Variants in DSE observed in about 807,000 individuals in gnomAD.
DSE encodes the protein dermatan sulfate epimerase, also known as dermatan-sulfate epimerase.
Under a neutral mutation model 84.4 loss-of-function variants are expected in DSE, and 36 were observed. The observed-to-expected ratio is 0.43, with a 90% CI of 0.33 to 0.56. The LOEUF (loss-of-function observed/expected upper bound fraction) is 0.56, where lower values mean the gene tolerates loss of function less well. Ranked by LOEUF, DSE falls within the 20% of genes least tolerant of loss-of-function variation. The probability of loss-of-function intolerance (pLI) is 0.06; values close to 1 mark genes in which losing one functional copy is unlikely to be tolerated. For synonymous variants in DSE, 410 were observed against 430.1 expected (o/e 0.95, Z 0.58); for missense variants, 862 against 1,169.6 (o/e 0.74, Z 3.84).
rs1784408242 is a variant in DSE, at chr6:116,441,067, G to A, written c.*3722G>A. 1 of 151,850 alleles carries A rather than the reference G, an allele frequency of 6.6e-6. No homozygotes were observed. The highest frequency in any genetic ancestry group is 1.5e-5 in the Non-Finnish European group (1 of 67,986). 9.4% of individuals were successfully genotyped at this position (151,850 alleles called of 1,614,324 possible). A position where few individuals can be genotyped will look rare whatever the true frequency, so the allele number is the denominator to read the frequency against. On this transcript the variant is annotated 3_prime_UTR_variant, in exon 6 of 6. Coordinates refer to ENST00000644252, the MANE Select transcript of DSE (RefSeq NM_013352.4). Reference sequence around the variant, plus strand: ...AATGACGTATTTTTTTTTCAGCAATGTTTCAGCTAGATATTTGCTTTATGC... The same window carrying A: ...AATGACGTATTTTTTTTTCAGCAATATTTCAGCTAGATATTTGCTTTATGC...
chr6:116,284,746 A>G (rs1479360454), intron 2 of DSE, among the ~76,000 whole-genome samples: 2 of 134,196 alleles, frequency 1.5e-5, no homozygotes, highest in Non-Finnish European at 3.1e-5. Context: ...TTCAATTCCC[A>G]CCTATGAGTG....
chr6:116,259,559 C>T (rs1397803783), intron 2 of DSE, among the ~76,000 whole-genome samples: 1 of 152,162 alleles, frequency 6.6e-6, no homozygotes, highest in Non-Finnish European at 1.5e-5. Flanking sequence ...TATAGGTAAA[C>T]GTGTCACTGG....
At chr6:116,361,747 C>A (rs909468227) in intron 2 of DSE, among the ~76,000 whole-genome samples, 3 of 152,100 alleles carry the variant, frequency 2.0e-5, no homozygotes, top group Non-Finnish European at 2.9e-5. Context: ...AACACATTAA[C>A]CATCAAATAA....
intron 3 of DSE, 110 bp from the exon 4 acceptor site, chr6:116,430,844 G>T (rs889263430): frequency 6.2e-6 from 9 of 1,462,128 alleles, no homozygotes; most frequent in Admixed American, 4.4e-5. Context: ...TACAAAACGC[G>T]ATTTGTAATA....
At chr6:116,373,981 G>C (rs1779769227) in intron 1 of DSE, among the ~76,000 whole-genome samples, 1 of 152,146 alleles carries the variant, frequency 6.6e-6, no homozygotes, top group African/African-American at 2.4e-5. Context: ...TTGAGTTTTA[G>C]TATATTGGTA....
intron 2 of DSE, among the ~76,000 whole-genome samples, chr6:116,357,611 G>A (rs1778654252): frequency 1.3e-5 from 2 of 151,874 alleles, no homozygotes; most frequent in South Asian, 4.2e-4. Flanking sequence ...CCAAAAAATT[G>A]TTTTTCTTCT....
chr6:116,370,848 T>A (rs1193921601), upstream of DSE: 4 of 985,558 alleles, frequency 4.1e-6, no homozygotes, highest in East Asian at 2.3e-4. Flanking sequence ...CTGGTGACGT[T>A]GCGGTTTCCT....
At position 116,436,355 on chromosome 6, in the gene DSE, C is replaced by A. The variant is rs774717694; in HGVS notation, c.1887C>A (p.Thr629=). 3 of 1,614,154 alleles carry A rather than the reference C, an allele frequency of 1.9e-6. No homozygotes were observed. Among genetic ancestry groups the A allele is most frequent in the East Asian group, 4.5e-5 (2 of 44,886 alleles). ...ATACTGGCTACAGCGAGAAAGCAAC[C>A]TTTGCCTCAGTGACATATCCTCGGG... ...MDDTGYSEKA[T]FASVTYPRGY... The change falls in exon 6 of 6, where the codon ACC becomes ACA. Residue 629 remains threonine (T), a synonymous_variant. Coordinates refer to ENST00000644252, the MANE Select transcript of DSE (RefSeq NM_013352.4).
rs541744747 is a variant in DSE, at chr6:116,419,954, TA to T, written c.417-6614del. 4.6e-3 allele frequency among the ~76,000 whole-genome samples: 699 copies of T among 152,304 alleles called. 4 individuals carry two copies. Among genetic ancestry groups the T allele is most frequent in the African/African-American group, 0.013 (522 of 41,566 alleles). The stretch of plus-strand genomic sequence containing the variant: ...CATAAAGTCTCATTTAAATACACTT[TA>T]AAAAATATGTAGATTTGCCTATACT... On this transcript the variant is annotated intron_variant, in intron 2 of 5. Transcript: ENST00000644252.
intron 1 of DSE, among the ~76,000 whole-genome samples, chr6:116,383,192 C>G (rs1415381805): frequency 6.6e-6 from 1 of 152,172 alleles, no homozygotes; most frequent in Non-Finnish European, 1.5e-5. Context: ...AGGTGATCAT[C>G]TAGTTTCTGC....
At chr6:116,397,778 C>A (rs930397695) in intron 1 of DSE, among the ~76,000 whole-genome samples, 1 of 152,064 alleles carries the variant, frequency 6.6e-6, no homozygotes, top group Admixed American at 6.5e-5. Context: ...ATTTTTTATT[C>A]ATCAGAAGTT....
intron 1 of DSE, among the ~76,000 whole-genome samples, chr6:116,390,007 T>C (rs561693281): frequency 2.0e-5 from 3 of 152,134 alleles, no homozygotes; most frequent in East Asian, 1.9e-4. Context: ...TTTATAGTTA[T>C]TTAGGGAAGG....
At chr6:116,405,861 A>G (rs1407386912) in intron 2 of DSE, among the ~76,000 whole-genome samples, 1 of 152,212 alleles carries the variant, frequency 6.6e-6, no homozygotes, top group Non-Finnish European at 1.5e-5. Context: ...GCCCAGTTAC[A>G]GTGCCATTGG....
chr6:116,296,673 A>C (rs917753394), intron 2 of DSE, among the ~76,000 whole-genome samples: 1 of 152,172 alleles, frequency 6.6e-6, no homozygotes, highest in African/African-American at 2.4e-5. Context: ...TTTAGTTAAC[A>C]AAAAAGAAGA....
At chr6:116,427,174 A>G (rs771776004) in intron 3 of DSE, among the ~76,000 whole-genome samples, 4 of 152,204 alleles carry the variant, frequency 2.6e-5, no homozygotes, top group Non-Finnish European at 5.9e-5. Context: ...AGCTAAACAC[A>G]TGGTTGGTTA....
intron 2 of DSE, among the ~76,000 whole-genome samples, chr6:116,315,986 T>TC (rs1179111005): frequency 6.6e-6 from 1 of 152,022 alleles, no homozygotes; most frequent in East Asian, 1.9e-4. Context: ...CAAGATTCTG[T>TC]CTAAAAAAAA....
chr6:116,277,613 A>G (rs2114628794), intron 2 of DSE: 1 of 152,230 alleles, frequency 6.6e-6, no homozygotes, highest in African/African-American at 2.4e-5. Context: ...TGAAATAAAA[A>G]CCTTGCTTTT....
chr6:116,398,386 C>G (rs960796439), intron 1 of DSE, among the ~76,000 whole-genome samples: 1 of 152,210 alleles, frequency 6.6e-6, no homozygotes, highest in African/African-American at 2.4e-5. Context: ...ACATTTCTCA[C>G]TTACTGAATG....
Position 116,441,114 on chromosome 6 carries a change from C to T in DSE, c.*3769C>T, listed in dbSNP as rs1784409955. ...ATGCATGTAATGTCAATGAAGTACT[C>T]ATAAGTTTTCAAGAAATGACTGATA... is the stretch of plus-strand genomic sequence containing the variant. On this transcript the variant is annotated 3_prime_UTR_variant, in exon 6 of 6. Transcript: ENST00000644252. The T allele has an allele frequency of 6.6e-6, 1 of 152,124 alleles. No homozygotes were observed. The highest frequency in any genetic ancestry group is 2.1e-4 in the South Asian group (1 of 4,832). 9.4% of individuals were successfully genotyped at this position (152,124 alleles called of 1,614,324 possible).
Sources: gnomAD v4.1 joint callset for allele counts (sites outside exome capture counted in the v4.1 genomes callset) on GRCh38, gnomAD v4.1.1 for gene constraint, MANE v1.5 for transcripts, NCBI Gene and HGNC (gene_info 2026-07-23, HGNC 2026-07-21) for gene names.